PPFIBP1: variants seen among roughly 807,000 people sequenced by gnomAD.
The protein encoded by PPFIBP1 is liprin-beta-1.
In PPFIBP1, 112 loss-of-function variants were observed where a neutral mutation model predicts 137.8. The ratio of observed to expected loss-of-function variants is 0.81; its 90% CI spans 0.70 to 0.95. The LOEUF (loss-of-function observed/expected upper bound fraction) is 0.95. PPFIBP1 is among the 40% of genes least tolerant of loss of function. The pLI is 0.00. For missense variants in PPFIBP1, 1,083 were observed against 1,196.6 expected (o/e 0.91, Z 1.40); for synonymous variants, 378 against 417.3 (o/e 0.91, Z 1.15).
chr12:27,561,015 A>G (rs1398314507), intron 1 of PPFIBP1, among the ~76,000 whole-genome samples: 2 of 152,200 alleles, frequency 1.3e-5, no homozygotes, highest in Non-Finnish European at 2.9e-5. Flanking sequence ...AAGAATTAAA[A>G]CAACAAAAGA....
At chr12:27,669,157 A>G (rs937233440) in intron 13 of PPFIBP1, among the ~76,000 whole-genome samples, 1 of 152,184 alleles carries the variant, frequency 6.6e-6, no homozygotes, top group African/African-American at 2.4e-5. Context: ...GTTGCTGATA[A>G]TTACACAACA....
At chr12:27,560,284 G>C (rs1030333916) in intron 1 of PPFIBP1, among the ~76,000 whole-genome samples, 2 of 152,202 alleles carry the variant, frequency 1.3e-5, no homozygotes, top group Non-Finnish European at 2.9e-5. Context: ...CCTGAGGAAA[G>C]ATGAGTTCAC....
At chr12:27,625,554 C>A (rs1446603197) in intron 2 of PPFIBP1, among the ~76,000 whole-genome samples, 1 of 150,178 alleles carries the variant, frequency 6.7e-6, no homozygotes, top group African/African-American at 2.5e-5. Context: ...ATCATCCATT[C>A]TATACTTATT....
chr12:27,547,826 TG>T (rs1294271932), intron 1 of PPFIBP1: 1 of 152,366 alleles, frequency 6.6e-6, no homozygotes, highest in African/African-American at 2.4e-5. Context: ...GTCCTGCAGC[TG>T]GCTGAGGACC....
At chr12:27,591,727 G>C (rs2052539185) in intron 2 of PPFIBP1, among the ~76,000 whole-genome samples, 1 of 152,218 alleles carries the variant, frequency 6.6e-6, no homozygotes. Flanking sequence ...AATGAAGACA[G>C]CTAGACTTAG....
intron 27 of PPFIBP1, among the ~76,000 whole-genome samples, chr12:27,689,665 C>T (rs113075929): frequency 3.9e-4 from 60 of 152,184 alleles, no homozygotes; most frequent in African/African-American, 1.2e-3. Context: ...CTCGTTTTCC[C>T]GCTCCTGCCT....
chr12:27,630,167 T>A lies in PPFIBP1; in HGVS notation c.-35-3195T>A, dbSNP rs141525262. 7.2e-5 allele frequency among the ~76,000 whole-genome samples: 11 copies of A among 152,106 alleles called. No individual in the cohort carries two copies. In the East Asian group the frequency reaches 1.5e-3, roughly 21 times the overall value. ...ATAGATGGGACAAACAGAAAAGAAA[T>A]AGCAGGACAATAGACTTAAATCCAA... On this transcript the variant is annotated intron_variant, in intron 2 of 29. Transcript: ENST00000228425.
At chr12:27,601,536 A>G (rs534989467) in intron 2 of PPFIBP1, among the ~76,000 whole-genome samples, 6 of 152,272 alleles carry the variant, frequency 3.9e-5, no homozygotes, top group East Asian at 1.9e-4. Flanking sequence ...ATGCTTTCCC[A>G]TGGTTGATAA....
chr12:27,641,976 A>C (rs1011166522), intron 4 of PPFIBP1, among the ~76,000 whole-genome samples: 11 of 151,438 alleles, frequency 7.3e-5, no homozygotes, highest in Admixed American at 2.6e-4. Flanking sequence ...TAAATAAATA[A>C]ATAAATAGAA....
At chr12:27,666,041 C>T (rs1040965338) in intron 12 of PPFIBP1, among the ~76,000 whole-genome samples, 7 of 152,100 alleles carry the variant, frequency 4.6e-5, no homozygotes, top group East Asian at 1.9e-4. Context: ...CCAATTCTTA[C>T]GTTTAAAACC....
chr12:27,610,505 T>C (rs1465399370), intron 2 of PPFIBP1, among the ~76,000 whole-genome samples: 1 of 152,194 alleles, frequency 6.6e-6, no homozygotes, highest in Non-Finnish European at 1.5e-5. Context: ...GAAGGCCTCA[T>C]TGGAGAGGCA....
Position 27,660,752 on chromosome 12 carries a change from C to T in PPFIBP1, c.845-132C>T, listed in dbSNP as rs1033827547. ...AAGAGAATATGGGTGTTAAATGTGC[C>T]CTTTTTAAAGAATAAATGAAAGAAA... On this transcript the variant is annotated intron_variant, in intron 10 of 29. Coordinates refer to ENST00000228425, the MANE Select transcript of PPFIBP1 (RefSeq NM_003622.4). 5.2e-6 allele frequency: 7 copies of T among 1,340,322 alleles called. No homozygotes were observed. The African/African-American group carries it at 5.9e-5, about 11-fold the overall frequency. 83.0% of individuals were successfully genotyped at this position (1,340,322 alleles called of 1,614,324 possible).
At chr12:27,562,662 C>T (rs1201138934) in intron 1 of PPFIBP1, among the ~76,000 whole-genome samples, 4 of 152,114 alleles carry the variant, frequency 2.6e-5, no homozygotes, top group Non-Finnish European at 5.9e-5. Flanking sequence ...CATTATTGTG[C>T]CATACTTTTA....
At position 27,670,791 on chromosome 12, in the gene PPFIBP1, A is replaced by ATAATAATAATAAT. The variant is rs1223053194; in HGVS notation, c.1147-640_1147-639insTAATAATAATAAT. 5.8e-4 allele frequency among the ~76,000 whole-genome samples: 81 copies of ATAATAATAATAAT among 138,754 alleles called. 1 individual carries two copies. The highest frequency in any genetic ancestry group is 3.6e-3 in the Middle Eastern group (1 of 274). 91.0% of individuals were successfully genotyped at this position (138,754 alleles called of 152,430 possible). A position where few individuals can be genotyped will look rare whatever the true frequency, so the allele number is the denominator to read the frequency against. Reference sequence around the variant, plus strand: ...GAGACCCTGTCTCAAAAAAAAAAAAAAAAAATAATAATAATAATAATAATA... The same window carrying ATAATAATAATAAT: ...GAGACCCTGTCTCAAAAAAAAAAAAATAATAATAATAATAAAAATAATAATAATAATAATAATA... On this transcript the variant is annotated intron_variant, in intron 13 of 29. Coordinates refer to ENST00000228425, the MANE Select transcript of PPFIBP1 (RefSeq NM_003622.4).
chr12:27,645,866 T>C (rs1340149205), intron 4 of PPFIBP1, among the ~76,000 whole-genome samples, 196 bp from the exon 5 acceptor site: 1 of 152,236 alleles, frequency 6.6e-6, no homozygotes, highest in Non-Finnish European at 1.5e-5. Context: ...AAAACATGCC[T>C]ATATGCTTAA....
At chr12:27,659,092 G>A (rs930172205) in intron 10 of PPFIBP1, among the ~76,000 whole-genome samples, 1 of 152,198 alleles carries the variant, frequency 6.6e-6, no homozygotes, top group African/African-American at 2.4e-5. Flanking sequence ...CGGGCACACA[G>A]CATTGTGGAT....
In PPFIBP1 at chr12:27,524,362, C is replaced by G. The variant is rs147297613; in HGVS notation, c.-127C>G. On this transcript the variant is annotated 5_prime_UTR_variant, in exon 1 of 30. Transcript: ENST00000228425. ...ACTAGTGCCGGCGGCTCTCCACCCCCCAGGTAAGGGCGTTTTGCTCCACTC... is the reference window on the plus strand; with the variant it reads ...ACTAGTGCCGGCGGCTCTCCACCCCGCAGGTAAGGGCGTTTTGCTCCACTC... 2.7e-3 allele frequency: 412 copies of G among 152,336 alleles called. 3 individuals are homozygous for G. The highest frequency in any genetic ancestry group is 9.2e-3 in the African/African-American group (383 of 41,546). 9.4% of individuals were successfully genotyped at this position (152,336 alleles called of 1,614,324 possible). A position where few individuals can be genotyped will look rare whatever the true frequency, so the allele number is the denominator to read the frequency against.
chr12:27,594,140 T>G, intron 2 of PPFIBP1: 3 of 548,034 alleles, frequency 5.5e-6, no homozygotes, highest in Non-Finnish European at 8.4e-6. Context: ...AGAATCATGG[T>G]ACTTAAGCAA....
intron 27 of PPFIBP1, among the ~76,000 whole-genome samples, chr12:27,689,727 T>G (rs1022767314): frequency 1.3e-5 from 2 of 152,134 alleles, no homozygotes; most frequent in Non-Finnish European, 2.9e-5. Flanking sequence ...TGTGGGACCC[T>G]CCCTTAACTA....
Sources: allele counts gnomAD v4.1 joint callset (sites outside exome capture counted in the v4.1 genomes callset), GRCh38; gene constraint gnomAD v4.1.1; transcripts MANE v1.5; gene names NCBI Gene and HGNC (gene_info 2026-07-23, HGNC 2026-07-21).